The following PGBD2 variants were observed in gnomAD, a reference collection of about 807,000 sequenced individuals.
The protein encoded by PGBD2 is piggyBac transposable element derived 2.
PGBD2 carries 6 observed loss-of-function variants against 8.1 expected under a neutral mutation model. That is an observed-to-expected ratio of 0.74 (90% CI 0.40 to 1.46). The LOEUF is 1.46. Ranked by LOEUF, PGBD2 falls within the 40% of genes most tolerant of loss-of-function variation. The pLI is 0.02. For synonymous variants in PGBD2, 318 were observed against 272.2 expected, an observed-to-expected ratio of 1.17 and a Z score of -1.66; for missense variants, 802 against 739.0, an observed-to-expected ratio of 1.09 and a Z score of -0.99.
At chr1:248,903,382 T>C (rs1292823638), upstream of PGBD2, among the ~76,000 whole-genome samples, 1 of 151,998 alleles carries the variant, frequency 6.6e-6, no homozygotes, top group Non-Finnish European at 1.5e-5. Context: ...TGTAGCATAG[T>C]CTTACTATGT....
chr1:248,911,659 C>T (rs1419744795), intron 1 of PGBD2, among the ~76,000 whole-genome samples: 82 of 148,300 alleles, frequency 5.5e-4, no homozygotes, highest in African/African-American at 1.7e-3. Context: ...GGCGGCTGGC[C>T]GGGCAGAGGG....
At chr1:248,927,209 A>G in the PGBD2 span, among the ~76,000 whole-genome samples, 2 of 152,220 alleles carry the variant, frequency 1.3e-5, no homozygotes, top group Non-Finnish European at 2.9e-5. Flanking sequence ...GAGATTTGTC[A>G]TGAGAGATGG....
At chr1:248,874,369 C>T in the PGBD2 span, among the ~76,000 whole-genome samples, 2 of 152,244 alleles carry the variant, frequency 1.3e-5, no homozygotes, top group Non-Finnish European at 2.9e-5. Context: ...AGGTGATGTT[C>T]CCAGAGTCAG....
the PGBD2 span, among the ~76,000 whole-genome samples, chr1:248,880,707 CTG>C: frequency 1.3e-5 from 2 of 152,178 alleles, no homozygotes; most frequent in African/African-American, 4.8e-5. Flanking sequence ...CCAGATAAAA[CTG>C]TTAGTCTTTG....
chr1:248,928,496 T>C, the PGBD2 span, among the ~76,000 whole-genome samples: 1,978 of 152,310 alleles, frequency 0.013, 46 homozygotes, highest in African/African-American at 0.045. Context: ...AGCATGTATT[T>C]ATTTTGTAGC....
At chr1:248,922,652 A>G (rs544041407), downstream of PGBD2, among the ~76,000 whole-genome samples, 1 of 152,296 alleles carries the variant, frequency 6.6e-6, no homozygotes, top group South Asian at 2.1e-4. Flanking sequence ...GTTTATTGAG[A>G]GTTTTTAGCA....
At chr1:248,914,493 T>C in intron 2 of PGBD2, 1 of 1,288,980 alleles carries the variant, frequency 7.8e-7, no homozygotes, top group Admixed American at 2.3e-5. Context: ...CAGCTGACAG[T>C]CAGTCTCCAG....
the PGBD2 span, among the ~76,000 whole-genome samples, chr1:248,928,693 T>TA: frequency 6.6e-6 from 1 of 152,164 alleles, no homozygotes; most frequent in African/African-American, 2.4e-5. Flanking sequence ...ACAGAGTGGG[T>TA]AATAAGCAGA....
chr1:248,894,253 A>G, the PGBD2 span, among the ~76,000 whole-genome samples: 1 of 151,914 alleles, frequency 6.6e-6, no homozygotes, highest in Non-Finnish European at 1.5e-5. Flanking sequence ...TTAGTTTGAT[A>G]TAGTCCCACT....
chr1:248,887,738 A>G, the PGBD2 span, among the ~76,000 whole-genome samples: 2 of 152,126 alleles, frequency 1.3e-5, no homozygotes, highest in East Asian at 3.8e-4. Flanking sequence ...TTGTGGCAAA[A>G]GTGATTGCGA....
At chr1:248,876,762 C>G in the PGBD2 span, among the ~76,000 whole-genome samples, 2 of 152,200 alleles carry the variant, frequency 1.3e-5, no homozygotes, top group Non-Finnish European at 2.9e-5. Flanking sequence ...TGTATGGTGT[C>G]TCTACATCTC....
the PGBD2 span, among the ~76,000 whole-genome samples, chr1:248,929,186 A>G: frequency 3.9e-5 from 6 of 152,202 alleles, no homozygotes; most frequent in Admixed American, 3.9e-4. Context: ...TTGTAGCCTC[A>G]GGCTAAACTT....
intron 1 of PGBD2, among the ~76,000 whole-genome samples, chr1:248,909,765 C>T (rs1379504778): frequency 2.0e-5 from 3 of 152,130 alleles, no homozygotes; most frequent in Non-Finnish European, 4.4e-5. Context: ...GCAAAAGGCA[C>T]AGCACACAAG....
chr1:248,876,644 G>A, the PGBD2 span, among the ~76,000 whole-genome samples: 3 of 152,144 alleles, frequency 2.0e-5, no homozygotes, highest in Non-Finnish European at 4.4e-5. Context: ...CCCACTGGAT[G>A]GTTGGGTCAT....
At chr1:248,913,579 C>T (rs1661986547) in intron 1 of PGBD2, among the ~76,000 whole-genome samples, 1 of 152,160 alleles carries the variant, frequency 6.6e-6, no homozygotes, top group South Asian at 2.1e-4. Context: ...AGCCCCGCCA[C>T]CCCACAAGGG....
At chr1:248,881,111 G>A in the PGBD2 span, among the ~76,000 whole-genome samples, 2 of 152,138 alleles carry the variant, frequency 1.3e-5, no homozygotes, top group Non-Finnish European at 2.9e-5. Flanking sequence ...ATCCCGTGGA[G>A]TATCTGAGAA....
the PGBD2 span, among the ~76,000 whole-genome samples, chr1:248,880,606 C>T: frequency 6.6e-6 from 1 of 152,152 alleles, no homozygotes; most frequent in Admixed American, 6.5e-5. Flanking sequence ...TTGAGTGTTT[C>T]AAGTTCTTGT....
chr1:248,902,954 A>C (rs1256790852), upstream of PGBD2, among the ~76,000 whole-genome samples: 1 of 150,204 alleles, frequency 6.7e-6, no homozygotes, highest in Non-Finnish European at 1.5e-5. Flanking sequence ...CAAAATCAGC[A>C]TGGCACATTT....
the PGBD2 span, among the ~76,000 whole-genome samples, chr1:248,929,330 C>T: frequency 6.6e-6 from 1 of 152,296 alleles, no homozygotes; most frequent in Non-Finnish European, 1.5e-5. Flanking sequence ...TTAATATGAA[C>T]ATTTCCACCA....
Sources: allele counts gnomAD v4.1 joint callset (sites outside exome capture counted in the v4.1 genomes callset), GRCh38; gene constraint gnomAD v4.1.1; transcripts MANE v1.5; gene names NCBI Gene and HGNC (gene_info 2026-07-23, HGNC 2026-07-21).